Variants in C9 observed in about 807,000 individuals in gnomAD.
The protein encoded by C9 is complement component C9.
A neutral mutation model predicts 65.4 loss-of-function variants in C9; 63 were observed. That is an observed-to-expected ratio of 0.96 (90% CI 0.79 to 1.19). C9 has a LOEUF of 1.19. Ranked by LOEUF, C9 falls within the 50% of genes most tolerant of loss-of-function variation. The pLI, the probability that C9 is intolerant of heterozygous loss-of-function variation, is 0.00. For synonymous variants in C9, 229 were observed against 227.9 expected, an observed-to-expected ratio of 1.00 and a Z score of -0.04; for missense variants, 744 against 670.1, an observed-to-expected ratio of 1.11 and a Z score of -1.22.
rs532117706 is a variant in C9 at position 39,285,354 on chromosome 5, G to T, written c.1646-121C>A. 49 of 780,202 alleles carry T rather than the reference G, an allele frequency of 6.3e-5. No individual in the cohort carries two copies. In the African/African-American group the frequency reaches 7.5e-4, roughly 12 times the overall value. The allele number at this position is 780,202 out of a possible 1,614,324, so 48.3% of individuals were successfully genotyped here. On this transcript the variant is annotated intron_variant, in intron 10 of 10. Transcript: ENST00000263408. ...CACCACGTTGTGCCATACTGTCTAG[G>T]TACTGGGAATAGAATGTGGTGTAAG...
At chr5:39,341,881 T>C (rs1754093569) in intron 2 of C9, among the ~76,000 whole-genome samples, 181 bp from the exon 3 acceptor site, 1 of 152,246 alleles carries the variant, frequency 6.6e-6, no homozygotes, top group Non-Finnish European at 1.5e-5. Flanking sequence ...CAGCCTCTTA[T>C]ACAGATGATT....
intron 1 of C9, among the ~76,000 whole-genome samples, chr5:39,362,077 C>T (rs1754532012): frequency 6.6e-6 from 1 of 152,164 alleles, no homozygotes; most frequent in Non-Finnish European, 1.5e-5. Context: ...TTAATGTTCA[C>T]AACGAAAACC....
chr5:39,364,255 C>A, intron 1 of C9, 133 bp downstream of exon 1: 1 of 669,084 alleles, frequency 1.5e-6, no homozygotes, highest in South Asian at 1.6e-5. Flanking sequence ...TATCTCTTTT[C>A]GAAGTTTAGA....
chr5:39,362,034 C>G (rs950519407), intron 1 of C9, among the ~76,000 whole-genome samples: 3 of 152,152 alleles, frequency 2.0e-5, no homozygotes, highest in African/African-American at 7.2e-5. Context: ...GCGCCAGGCA[C>G]AGATGTCATA....
At chr5:39,288,079 A>C (rs1263862673) in intron 10 of C9, among the ~76,000 whole-genome samples, 1 of 152,012 alleles carries the variant, frequency 6.6e-6, no homozygotes, top group Admixed American at 6.6e-5. Context: ...AAAATGCAAA[A>C]TAAAAATCTA....
At chr5:39,320,307 G>T (rs1753644292) in intron 5 of C9, among the ~76,000 whole-genome samples, 1 of 152,078 alleles carries the variant, frequency 6.6e-6, no homozygotes, top group Non-Finnish European at 1.5e-5. Context: ...AAGTTCAATA[G>T]AGAGAAAGAA....
Position 39,316,009 on chromosome 5 carries a change from G to A in C9, c.636C>T (p.Phe212=), listed in dbSNP as rs114751055. The change falls in exon 6 of 11, where the codon TTC becomes TTT. Residue 212 remains phenylalanine, a synonymous_variant. Coordinates refer to ENST00000263408, the MANE Select transcript of C9 (RefSeq NM_001737.5). Reference sequence around the variant, plus strand: ...TTTGTTCTTCGTAATGTTCGGTTCTGAAATTTTTCTCGCCTTTGGTCTAAA... The same window carrying A: ...TTTGTTCTTCGTAATGTTCGGTTCTAAAATTTTTCTCGCCTTTGGTCTAAA... ...LIYETKGEKN[F]RTEHYEEQIE... The A allele has an allele frequency of 1.6e-3, 2,516 of 1,612,076 alleles. 41 individuals carry two copies. In the African/African-American group the frequency reaches 0.03, roughly 19 times the overall value.
At chr5:39,340,162 A>C (rs1754048598) in intron 4 of C9, among the ~76,000 whole-genome samples, 1 of 152,218 alleles carries the variant, frequency 6.6e-6, no homozygotes, top group South Asian at 2.1e-4. Context: ...GATATTCATT[A>C]ATTAATAATT....
chr5:39,329,128 G>T (rs1753801482), intron 5 of C9, among the ~76,000 whole-genome samples: 2 of 152,080 alleles, frequency 1.3e-5, no homozygotes, highest in African/African-American at 4.8e-5. Flanking sequence ...CCAAAGAAAA[G>T]TAAGTAGAAA....
At chr5:39,288,569 T>C (rs1753033108) in intron 10 of C9, among the ~76,000 whole-genome samples, 154 bp downstream of exon 10, 1 of 151,856 alleles carries the variant, frequency 6.6e-6, no homozygotes, top group Non-Finnish European at 1.5e-5. Context: ...TAAAGGCTGA[T>C]TTACCCATTT....
At chr5:39,342,064 C>A in intron 2 of C9, 27 bp downstream of exon 2, 1 of 1,227,196 alleles carries the variant, frequency 8.1e-7, no homozygotes, top group South Asian at 1.2e-5. Flanking sequence ...TTGGGGAGGT[C>A]AGTGGGGAAG....
rs554408847 is a variant in C9, at chr5:39,325,641, G to A, written c.615+6035C>T. The stretch of plus-strand genomic sequence containing the variant: ...ACAAAAATTAGCTGAGCACGGTGGC[G>A]CACGCCTCAAATCCCAGCTACTCAG... On this transcript the variant is annotated intron_variant, in intron 5 of 10. Coordinates refer to ENST00000263408, the MANE Select transcript of C9 (RefSeq NM_001737.5). 5.2e-3 allele frequency among the ~76,000 whole-genome samples: 792 copies of A among 152,076 alleles called. 6 individuals carry two copies. Among genetic ancestry groups the A allele is most frequent in the African/African-American group, 0.017 (693 of 41,496 alleles).
At chr5:39,294,563 T>G (rs1319649952) in intron 9 of C9, among the ~76,000 whole-genome samples, 1 of 151,692 alleles carries the variant, frequency 6.6e-6, no homozygotes, top group Admixed American at 6.6e-5. Flanking sequence ...GAGATTGAAG[T>G]TGTAATAAAA....
In C9 at chr5:39,285,136, G is replaced by C; in HGVS notation, c.*63C>G. ...TACTTGGCAGCTAAGATTATCTTCA[G>C]GGGTAGGATCTGAAGGTACTAGTGT... On this transcript the variant is annotated 3_prime_UTR_variant, in exon 11 of 11. Coordinates refer to ENST00000263408, the MANE Select transcript of C9 (RefSeq NM_001737.5). 7.6e-7 allele frequency: 1 copy of C among 1,321,668 alleles called. No homozygotes were observed. The highest frequency in any genetic ancestry group is 1.1e-6 in the Non-Finnish European group (1 of 913,258). The allele number at this position is 1,321,668 out of a possible 1,614,324, so 81.9% of individuals were successfully genotyped here.
chr5:39,328,386 A>G (rs1220337588), intron 5 of C9, among the ~76,000 whole-genome samples: 1 of 152,214 alleles, frequency 6.6e-6, no homozygotes. Flanking sequence ...GAATGAGGAA[A>G]GCCTGAGAAG....
chr5:39,287,164 G>T (rs1049143724), intron 10 of C9, among the ~76,000 whole-genome samples: 12 of 151,910 alleles, frequency 7.9e-5, no homozygotes, highest in Non-Finnish European at 1.8e-4. Flanking sequence ...CTAAAGTCAT[G>T]TTTACTTGTA....
At chr5:39,329,610 A>G (rs1753809282) in intron 5 of C9, among the ~76,000 whole-genome samples, 1 of 152,218 alleles carries the variant, frequency 6.6e-6, no homozygotes, top group Non-Finnish European at 1.5e-5. Context: ...GTGCATTCCC[A>G]TGTTATGATG....
intron 1 of C9, among the ~76,000 whole-genome samples, chr5:39,357,027 A>G (rs573493453): frequency 1.4e-4 from 22 of 152,324 alleles, no homozygotes; most frequent in African/African-American, 4.6e-4. Context: ...ATGTACATCA[A>G]CATGGCAGGA....
At chr5:39,337,454 A>T (rs1011879078) in intron 4 of C9, among the ~76,000 whole-genome samples, 2 of 152,190 alleles carry the variant, frequency 1.3e-5, no homozygotes, top group Non-Finnish European at 2.9e-5. Context: ...GAATAAGCCA[A>T]TTTTTTCTGC....
Sources: allele counts gnomAD v4.1 joint callset (sites outside exome capture counted in the v4.1 genomes callset), GRCh38; gene constraint gnomAD v4.1.1; transcripts MANE v1.5; gene names NCBI Gene and HGNC (gene_info 2026-07-23, HGNC 2026-07-21).